CEP70: variants seen among roughly 807,000 people sequenced by gnomAD.
CEP70 encodes centrosomal protein 70, also known as centrosomal protein of 70 kDa.
Under a neutral mutation model 90.9 loss-of-function variants are expected in CEP70, and 70 were observed. That is an observed-to-expected ratio of 0.77 (90% CI 0.64 to 0.94). The LOEUF is 0.94. Among genes scored for constraint, CEP70 ranks in the 40% least tolerant of loss-of-function variants. The probability of loss-of-function intolerance (pLI) is 0.00; values close to 1 mark genes in which losing one functional copy is unlikely to be tolerated. For synonymous variants in CEP70, 220 were observed against 228.3 expected (o/e 0.96, Z 0.33); for missense variants, 648 against 669.0 (o/e 0.97, Z 0.35).
intron 6 of CEP70, among the ~76,000 whole-genome samples, chr3:138,551,897 G>A (rs1466173029): frequency 6.6e-6 from 1 of 152,028 alleles, no homozygotes; most frequent in East Asian, 1.9e-4. Context: ...CAATGGATAA[G>A]AATTCACCAA....
chr3:138,505,172 G>C, intron 13 of CEP70, 123 bp downstream of exon 13: 2 of 675,602 alleles, frequency 3.0e-6, no homozygotes, highest in East Asian at 3.1e-5. Flanking sequence ...TTTAGCTTTA[G>C]AGTTAACACA....
chr3:138,566,891 T>A (rs1162692775), intron 6 of CEP70, among the ~76,000 whole-genome samples: 1 of 152,014 alleles, frequency 6.6e-6, no homozygotes, highest in African/African-American at 2.4e-5. Context: ...CCAAGAAAAC[T>A]GAAAGCATAT....
At chr3:138,523,812 T>C (rs34307764) in intron 11 of CEP70, among the ~76,000 whole-genome samples, 4 of 152,084 alleles carry the variant, frequency 2.6e-5, no homozygotes, top group African/African-American at 4.8e-5. Flanking sequence ...AGGTAATTTA[T>C]AGATTCAATG....
chr3:138,515,368 G>T (rs945043015), intron 11 of CEP70, among the ~76,000 whole-genome samples: 2 of 148,016 alleles, frequency 1.4e-5, no homozygotes, highest in African/African-American at 2.5e-5. Context: ...TTTCCACAAG[G>T]CATATTATAG....
chr3:138,543,885 A>T (rs1054274049), intron 6 of CEP70, among the ~76,000 whole-genome samples: 1 of 152,246 alleles, frequency 6.6e-6, no homozygotes, highest in Non-Finnish European at 1.5e-5. Context: ...ATGTAAAAAG[A>T]TGTAAACTGA....
At chr3:138,528,319 C>T (rs891398707) in intron 10 of CEP70, among the ~76,000 whole-genome samples, 9 of 152,150 alleles carry the variant, frequency 5.9e-5, no homozygotes, top group African/African-American at 1.9e-4. Flanking sequence ...GCTGAGATTA[C>T]AGGTGAAAGC....
rs760192472 is a variant in CEP70 at position 138,508,484 on chromosome 3, G to C, written c.1005C>G (p.Ser335Arg). 1.9e-6 allele frequency: 3 copies of C among 1,612,828 alleles called. No individual in the cohort carries two copies. The highest frequency in any genetic ancestry group is 2.2e-5 in the East Asian group (1 of 44,812). The change falls in exon 12 of 18, where the codon AGC becomes AGG. Residue 335 changes from serine (S) to arginine (R), a missense_variant. Coordinates refer to ENST00000264982, the MANE Select transcript of CEP70 (RefSeq NM_024491.4). Reference protein sequence around the residue: ...AEDTEKKDEPSKYNQQQALID... With the variant: ...AEDTEKKDEPRKYNQQQALID... ...TTAGGGCCTGTTGCTGATTATATTT[G>C]CTGGGCTCATCTTTCTTCTCTGTGT...
At chr3:138,508,597 A>C in intron 11 of CEP70, 53 bp from the exon 12 acceptor site, 1 of 1,118,046 alleles carries the variant, frequency 8.9e-7, no homozygotes, top group Non-Finnish European at 1.4e-6. Context: ...TAGACACTGG[A>C]CCAAGATGAT....
At chr3:138,529,053 C>T in intron 10 of CEP70, 146 bp downstream of exon 10, 2 of 561,028 alleles carry the variant, frequency 3.6e-6, no homozygotes, top group Non-Finnish European at 6.3e-6. Context: ...ATAGCCCCAG[C>T]TACTTAAGAG....
At chr3:138,568,069 G>A (rs1017270704) in intron 6 of CEP70, among the ~76,000 whole-genome samples, 2 of 152,014 alleles carry the variant, frequency 1.3e-5, no homozygotes, top group African/African-American at 4.8e-5. Context: ...AATTTCAGTT[G>A]ATCATATTGG....
intron 2 of CEP70, among the ~76,000 whole-genome samples, chr3:138,577,657 A>T (rs1033848510): frequency 1.3e-5 from 2 of 152,082 alleles, no homozygotes; most frequent in African/African-American, 4.8e-5. Context: ...CGGAAAAAAT[A>T]AAAAAATTTT....
intron 6 of CEP70, among the ~76,000 whole-genome samples, chr3:138,549,281 G>A (rs1245575207): frequency 2.0e-5 from 3 of 151,724 alleles, no homozygotes; most frequent in Middle Eastern, 3.2e-3. Context: ...GGCTTTCTCA[G>A]CTGGGAGGCT....
chr3:138,496,842 T>C (rs548984341), intron 17 of CEP70: 4 of 985,484 alleles, frequency 4.1e-6, no homozygotes, highest in Non-Finnish European at 4.8e-6. Flanking sequence ...TTATGAACCA[T>C]GCTGAGTGTC....
intron 6 of CEP70, among the ~76,000 whole-genome samples, chr3:138,569,649 C>T (rs2041028860): frequency 6.6e-6 from 1 of 152,200 alleles, no homozygotes; most frequent in Non-Finnish European, 1.5e-5. Flanking sequence ...AGGCGGATCA[C>T]TTGAGCTCAG....
chr3:138,584,160 G>C (rs919726695), intron 2 of CEP70, among the ~76,000 whole-genome samples: 1 of 151,876 alleles, frequency 6.6e-6, no homozygotes, highest in African/African-American at 2.4e-5. Flanking sequence ...CAATAAACTA[G>C]AAAATCTAGA....
intron 11 of CEP70, among the ~76,000 whole-genome samples, chr3:138,516,967 C>T (rs989585164): frequency 6.6e-6 from 1 of 152,142 alleles, no homozygotes; most frequent in Non-Finnish European, 1.5e-5. Context: ...CTCTTTGAAA[C>T]ACTGAGCACT....
chr3:138,550,469 T>G (rs1220185791), intron 6 of CEP70, among the ~76,000 whole-genome samples: 3 of 152,212 alleles, frequency 2.0e-5, no homozygotes, highest in African/African-American at 7.2e-5. Context: ...GTTCAAGCTA[T>G]TCTCCTGCCT....
chr3:138,523,517 T>C (rs2036894629), intron 11 of CEP70, among the ~76,000 whole-genome samples: 1 of 152,084 alleles, frequency 6.6e-6, no homozygotes, highest in Non-Finnish European at 1.5e-5. Context: ...GATAGGCAAC[T>C]TCAGCAAAGT....
chr3:138,525,729 A>T (rs1380963101), intron 10 of CEP70, among the ~76,000 whole-genome samples, 165 bp from the exon 11 acceptor site: 1 of 152,156 alleles, frequency 6.6e-6, no homozygotes, highest in African/African-American at 2.4e-5. Context: ...GGCCATTTAG[A>T]TTTCTTCTTC....
Sources: gnomAD v4.1 joint callset for allele counts (sites outside exome capture counted in the v4.1 genomes callset) on GRCh38, gnomAD v4.1.1 for gene constraint, MANE v1.5 for transcripts, NCBI Gene and HGNC (gene_info 2026-07-23, HGNC 2026-07-21) for gene names.